Variants in PABIR3 observed in about 807,000 individuals in gnomAD.
PABIR3 encodes the protein PABIR family member 1.
A neutral mutation model predicts 23.1 loss-of-function variants in PABIR3; 20 were observed. The observed-to-expected ratio is 0.86, with a 90% CI of 0.61 to 1.26. The LOEUF is 1.26. Among genes scored for constraint, PABIR3 ranks in the 50% most tolerant of loss-of-function variants. The pLI, the probability that PABIR3 is intolerant of heterozygous loss-of-function variation, is 0.00. For synonymous variants in PABIR3, 69 were observed against 68.5 expected (o/e 1.01, Z -0.04); for missense variants, 189 against 195.4 (o/e 0.97, Z 0.20).
chrX:134,797,195 C>T (rs1222255699), intron 1 of PABIR3: 1 of 113,982 alleles, frequency 8.8e-6, no homozygotes, highest in East Asian at 2.8e-4. Context: ...TCCGGGCACC[C>T]ATCGGGTCCT....
At chrX:134,805,891 C>A (rs2080209915), upstream of PABIR3, among the ~76,000 whole-genome samples, 1 of 109,942 alleles carries the variant, frequency 9.1e-6, no homozygotes, top group Non-Finnish European at 1.9e-5. Context: ...GAGCGAAACT[C>A]CGTCTCAAAA....
intron 4 of PABIR3, among the ~76,000 whole-genome samples, chrX:134,837,836 G>A (rs749818035): frequency 4.5e-5 from 5 of 112,056 alleles, no homozygotes; most frequent in South Asian, 3.7e-4. Context: ...CTTGTTGACC[G>A]AATGAACTAC....
chrX:134,820,034 C>T (rs780407614), intron 3 of PABIR3, among the ~76,000 whole-genome samples: 2 of 111,708 alleles, frequency 1.8e-5, no homozygotes, highest in African/African-American at 6.5e-5. Context: ...ATGACATCAT[C>T]AGAGACCCAG....
At chrX:134,799,533 G>C (rs892754999) in intron 1 of PABIR3, among the ~76,000 whole-genome samples, 1 of 112,251 alleles carries the variant, frequency 8.9e-6, no homozygotes, top group Non-Finnish European at 1.9e-5. Context: ...TCTCCTTTGC[G>C]AACCTTCTCA....
chrX:134,845,974 C>T (rs150798657), intron 6 of PABIR3, among the ~76,000 whole-genome samples: 1 of 111,762 alleles, frequency 8.9e-6, no homozygotes, highest in Non-Finnish European at 1.9e-5. Context: ...ATTTTTATGC[C>T]TGTGTGTTAG....
chrX:134,796,999 C>G (rs1010703637), intron 1 of PABIR3: 1 of 113,267 alleles, frequency 8.8e-6, no homozygotes, highest in African/African-American at 3.2e-5. Context: ...CCCTGCCCCC[C>G]TCCCGCCTCG....
upstream of PABIR3, among the ~76,000 whole-genome samples, chrX:134,803,580 T>C (rs376278248): frequency 2.7e-5 from 3 of 112,337 alleles, no homozygotes; most frequent in African/African-American, 9.7e-5. Context: ...TATGAGGGAT[T>C]TGTAAGTACT....
Position 134,845,250 on chromosome X carries a change from T to G in PABIR3, c.290+2T>G. On this transcript the variant is annotated splice_donor_variant, in intron 5 of 10. Transcript: ENST00000645433. LOFTEE classifies it high-confidence loss of function. ...AAATAGAGAAACAATGTCTGAATGG[T>G]GAGTACTGTACTTTGAATTACTATT... The G allele has an allele frequency of 8.4e-7, 1 of 1,189,172 alleles. No homozygotes were observed. Among genetic ancestry groups the G allele is most frequent in the Non-Finnish European group, 1.1e-6 (1 of 880,127 alleles).
At chrX:134,804,590 T>G (rs1160776999), upstream of PABIR3, among the ~76,000 whole-genome samples, 1 of 112,354 alleles carries the variant, frequency 8.9e-6, no homozygotes. Context: ...TTTCTTAGTG[T>G]TGTTGTACTT....
At chrX:134,830,302 G>A (rs1317751546) in intron 4 of PABIR3, among the ~76,000 whole-genome samples, 3 of 99,236 alleles carry the variant, frequency 3.0e-5, no homozygotes, top group East Asian at 3.3e-4. Flanking sequence ...TAGCAAGAAA[G>A]TATGGTAAAA....
At chrX:134,852,256 C>T (rs2082660908) in intron 9 of PABIR3, among the ~76,000 whole-genome samples, 1 of 111,575 alleles carries the variant, frequency 9.0e-6, no homozygotes, top group Non-Finnish European at 1.9e-5. Flanking sequence ...GGGTGGATCA[C>T]CTGAGGCCAG....
chrX:134,843,409 A>T (rs752756981), intron 4 of PABIR3, among the ~76,000 whole-genome samples: 1 of 95,904 alleles, frequency 1.0e-5, no homozygotes, highest in African/African-American at 4.1e-5. Context: ...TGCATAGGGT[A>T]AAAAAAAAAA....
rs750837605 is a variant in PABIR3 at position 134,830,384 on chromosome X, G to A, written c.246+1102G>A. Among the ~76,000 whole-genome samples, 8 of 91,692 alleles carry A rather than the reference G, an allele frequency of 8.7e-5. No individual in the cohort carries two copies. The East Asian group carries it at 2.1e-3, about 24-fold the overall frequency. The allele number at this position is 91,692 out of a possible 115,157, so 79.6% of individuals were successfully genotyped here. On this transcript the variant is annotated intron_variant, in intron 4 of 10. Transcript: ENST00000645433. ...GTTTCGCTCTGTTGCCCAGACTGGAGTGCAGTGGCTCCATCTTGGTTCACT... is the reference window on the plus strand; with the variant it reads ...GTTTCGCTCTGTTGCCCAGACTGGAATGCAGTGGCTCCATCTTGGTTCACT...
At chrX:134,814,029 T>G (rs2080828993) in intron 2 of PABIR3, among the ~76,000 whole-genome samples, 1 of 110,454 alleles carries the variant, frequency 9.1e-6, no homozygotes, top group African/African-American at 3.3e-5. Context: ...CAAAAACATT[T>G]TTAACACTGT....
At chrX:134,816,422 G>T (rs759239333) in intron 3 of PABIR3, among the ~76,000 whole-genome samples, 4 of 112,379 alleles carry the variant, frequency 3.6e-5, no homozygotes, top group Non-Finnish European at 5.6e-5. Context: ...CCGGGTTCAG[G>T]CGATTCTCCT....
intron 2 of PABIR3, among the ~76,000 whole-genome samples, chrX:134,813,835 A>G (rs1410947511): frequency 9.0e-6 from 1 of 111,125 alleles, no homozygotes; most frequent in African/African-American, 3.3e-5. Context: ...GTGGGCAACC[A>G]TCAAAGCTGA....
At chrX:134,836,179 C>T (rs2081967940) in intron 4 of PABIR3, among the ~76,000 whole-genome samples, 1 of 111,644 alleles carries the variant, frequency 9.0e-6, no homozygotes, top group Non-Finnish European at 1.9e-5. Context: ...CCCTGTGATG[C>T]CCAGGCTGGT....
chrX:134,830,714 A>G (rs1451938863), intron 4 of PABIR3, among the ~76,000 whole-genome samples: 1 of 111,238 alleles, frequency 9.0e-6, no homozygotes, highest in Admixed American at 9.7e-5. Context: ...TTAAGGAATG[A>G]AACAAGTTCA....
At chrX:134,850,063 CAG>C (rs1191501684) in intron 9 of PABIR3, among the ~76,000 whole-genome samples, 4 of 107,239 alleles carry the variant, frequency 3.7e-5, no homozygotes, top group African/African-American at 1.4e-4. Flanking sequence ...TTAGTAGAGA[CAG>C]AGTTTCACCA....
Sources: allele counts gnomAD v4.1 joint callset (sites outside exome capture counted in the v4.1 genomes callset), GRCh38; gene constraint gnomAD v4.1.1; transcripts MANE v1.5; gene names NCBI Gene and HGNC (gene_info 2026-07-23, HGNC 2026-07-21).